The following ENDOV variants were observed in gnomAD, a reference collection of about 807,000 sequenced individuals.
ENDOV encodes the protein endonuclease V.
Under a neutral mutation model 39.4 loss-of-function variants are expected in ENDOV, and 37 were observed. The observed-to-expected ratio is 0.94, with a 90% confidence interval of 0.72 to 1.23. ENDOV has a LOEUF of 1.23. Ranked by LOEUF, ENDOV falls within the 50% of genes most tolerant of loss-of-function variation. The probability of loss-of-function intolerance (pLI) is 0.00; values close to 1 mark genes in which losing one functional copy is unlikely to be tolerated. For missense variants in ENDOV, 441 were observed against 375.7 expected, an observed-to-expected ratio of 1.17 and a Z score of -1.44; for synonymous variants, 186 against 163.4, an observed-to-expected ratio of 1.14 and a Z score of -1.05.
Position 80,437,518 on chromosome 17 carries a change from TTGAAA to T in ENDOV, c.*1381_*1385del, listed in dbSNP as rs2083632244. The stretch of plus-strand genomic sequence containing the variant: ...GCTCCGAACCCTAAATGGGTGAGAG[TTGAAA>T]TGAAAGCGGCACCTGTAGTCCGTTT... On this transcript the variant is annotated 3_prime_UTR_variant, in exon 10 of 10. Transcript: ENST00000518137. 1 of 152,366 alleles carries T rather than the reference TTGAAA, an allele frequency of 6.6e-6. No individual in the cohort carries two copies. The highest frequency in any genetic ancestry group is 2.4e-5 in the African/African-American group (1 of 41,332). 9.4% of individuals were successfully genotyped at this position (152,366 alleles called of 1,614,324 possible).
At chr17:80,422,932 C>T (rs1265100410) in intron 4 of ENDOV, among the ~76,000 whole-genome samples, 2 of 152,278 alleles carry the variant, frequency 1.3e-5, no homozygotes, top group Non-Finnish European at 2.9e-5. Context: ...ATCTCCTGAC[C>T]TCGTGATCCG....
intron 2 of ENDOV, chr17:80,419,716 C>A: frequency 1.4e-6 from 1 of 700,600 alleles, no homozygotes; most frequent in South Asian, 1.5e-5. Flanking sequence ...CCAGCTTCTT[C>A]ACTGGTCAGT....
intron 2 of ENDOV, among the ~76,000 whole-genome samples, chr17:80,421,416 C>T (rs1568218173): frequency 6.8e-6 from 1 of 147,398 alleles, no homozygotes; most frequent in Non-Finnish European, 1.5e-5. Flanking sequence ...TCCTACTATA[C>T]ACATCAGGTC....
At chr17:80,422,350 C>T (rs1428899867) in intron 4 of ENDOV, 105 bp downstream of exon 4, 13 of 1,367,598 alleles carry the variant, frequency 9.5e-6, no homozygotes, top group South Asian at 8.6e-5. Flanking sequence ...CGGCCTCTGC[C>T]GCCAGCCCCC....
rs1036855806 is a variant in ENDOV, at chr17:80,424,704, C to T, written c.517-328C>T. 3.3e-5 allele frequency among the ~76,000 whole-genome samples: 5 copies of T among 152,174 alleles called. 1 individual carries two copies. The highest frequency in any genetic ancestry group is 2.6e-4 in the Admixed American group (4 of 15,288). ...GTTGCGGTGGCTCACTCCTGTAATC[C>T]CAGCACTTTGGGAGGCCGAAGTGGG... On this transcript the variant is annotated intron_variant, in intron 5 of 9. Transcript: ENST00000518137.
chr17:80,429,852 G>A, intron 9 of ENDOV, 21 bp downstream of exon 9: 1 of 1,612,704 alleles, frequency 6.2e-7, no homozygotes, highest in South Asian at 1.1e-5. Context: ...GCCCCCACAG[G>A]ACCACAGCCC....
At chr17:80,435,619 T>G (rs1488946679) in intron 9 of ENDOV, among the ~76,000 whole-genome samples, 1 of 151,792 alleles carries the variant, frequency 6.6e-6, no homozygotes, top group Non-Finnish European at 1.5e-5. Flanking sequence ...CATGCCTGGC[T>G]AATTTTTTTT....
At chr17:80,433,765 C>T (rs993923469) in intron 9 of ENDOV, among the ~76,000 whole-genome samples, 1 of 152,188 alleles carries the variant, frequency 6.6e-6, no homozygotes, top group Non-Finnish European at 1.5e-5. Context: ...GTTGGTTCCT[C>T]AAGGACCATG....
Position 80,415,218 on chromosome 17 carries a change from G to T in ENDOV, c.24G>T (p.Gly8=), listed in dbSNP as rs751596520. 2.5e-6 allele frequency: 4 copies of T among 1,613,254 alleles called. No homozygotes were observed. The African/African-American group carries it at 4.0e-5, about 16-fold the overall frequency. ...CCATGGCCCTGGAGGCGGCGGGAGG[G>T]CCGCCGGAGGAAACGCTGTCACTGT... MALEAAG[G]PPEETLSLWK... The change falls in exon 1 of 10, where the codon GGG becomes GGT. Residue 8 remains glycine, a synonymous_variant. Transcript: ENST00000518137.
chr17:80,429,911 G>C (rs1301820452), intron 9 of ENDOV, 80 bp downstream of exon 9: 1 of 1,609,462 alleles, frequency 6.2e-7, no homozygotes. Flanking sequence ...AGGCGGGCAA[G>C]GACTGGCAGT....
At chr17:80,424,961 T>C (rs1345045312) in intron 5 of ENDOV, 71 bp from the exon 6 acceptor site, 9 of 1,350,608 alleles carry the variant, frequency 6.7e-6, no homozygotes, top group Non-Finnish European at 9.3e-6. Flanking sequence ...TCTCAAAAAA[T>C]AGAGACTTGC....
intron 2 of ENDOV, chr17:80,419,688 A>T: frequency 1.4e-6 from 1 of 702,574 alleles, no homozygotes; most frequent in Non-Finnish European, 2.6e-6. Context: ...ACACTGTCCC[A>T]AGAGGCTGCG....
chr17:80,437,751 C>G lies in ENDOV; in HGVS notation c.*1608C>G, dbSNP rs1034507535. ...ACGGCCCCGCGTCTGTTGCCTGAGT[C>G]ACTGTATTCCTTAAAAGGTGAAGGA... On this transcript the variant is annotated 3_prime_UTR_variant, in exon 10 of 10. Coordinates refer to ENST00000518137, the MANE Select transcript of ENDOV (RefSeq NM_173627.5). 1.3e-5 allele frequency: 2 copies of G among 152,234 alleles called. No individual in the cohort carries two copies. Among genetic ancestry groups the G allele is most frequent in the African/African-American group, 4.8e-5 (2 of 41,452 alleles). The allele number at this position is 152,234 out of a possible 1,614,324, so 9.4% of individuals were successfully genotyped here. A position where few individuals can be genotyped will look rare whatever the true frequency, so the allele number is the denominator to read the frequency against.
chr17:80,415,249 C>T lies in ENDOV; in HGVS notation c.55C>T (p.Arg19Trp), dbSNP rs773520311. 1 of 1,613,448 alleles carries T rather than the reference C, an allele frequency of 6.2e-7. No homozygotes were observed. The highest frequency in any genetic ancestry group is 8.5e-7 in the Non-Finnish European group (1 of 1,179,720). ...GGAGGAAACGCTGTCACTGTGGAAACGGTAATGCTGTCAGGCGACGCGCAG... is the reference window on the plus strand; with the variant it reads ...GGAGGAAACGCTGTCACTGTGGAAATGGTAATGCTGTCAGGCGACGCGCAG... The part of the protein sequence containing the change: ...PPEETLSLWK[R>W]EQARLKAHVV... Residue 19 changes from arginine to tryptophan, a missense_variant and splice_region_variant, in exon 1 of 10, where the codon CGG (arginine) becomes TGG (tryptophan). Arg to Trp is a moderately radical substitution (Grantham distance 101). Transcript: ENST00000518137.
chr17:80,418,898 G>T (rs1013362678), intron 2 of ENDOV: 2 of 152,164 alleles, frequency 1.3e-5, no homozygotes, highest in African/African-American at 2.4e-5. Context: ...CAGGCCGGGC[G>T]CAGTGGTTCA....
Position 80,423,597 on chromosome 17 carries a change from G to T in ENDOV, c.481G>T (p.Asp161Tyr). Residue 161 changes from aspartate (D) to tyrosine (Y), a missense_variant, in exon 5 of 10, where the codon GAT (aspartate) becomes TAT (tyrosine). Asp to Tyr is a radical substitution (Grantham distance 160). Coordinates refer to ENST00000518137, the MANE Select transcript of ENDOV (RefSeq NM_173627.5). Reference protein sequence around the residue: ...VGVAKKLLQVDGLENNALHKE... With the variant: ...VGVAKKLLQVYGLENNALHKE... ...GGTGGCCAAGAAACTTCTGCAGGTGGATGGGCTGGAGAACAACGCCCTGCA... is the reference window on the plus strand; with the variant it reads ...GGTGGCCAAGAAACTTCTGCAGGTGTATGGGCTGGAGAACAACGCCCTGCA... 1 of 1,555,776 alleles carries T rather than the reference G, an allele frequency of 6.4e-7. No homozygotes were observed. The highest frequency in any genetic ancestry group is 2.4e-5 in the East Asian group (1 of 41,320).
rs988419717 is a variant in ENDOV at position 80,438,073 on chromosome 17, T to G, written c.*1930T>G. ...GTAAGACCTTTGAATAAAACTAACT[T>G]GAATTCTTCAAAAGCTTGATTTTTT... On this transcript the variant is annotated 3_prime_UTR_variant, in exon 10 of 10. Coordinates refer to ENST00000518137, the MANE Select transcript of ENDOV (RefSeq NM_173627.5). The G allele has an allele frequency of 1.3e-5, 2 of 152,196 alleles. No individual in the cohort carries two copies. The highest frequency in any genetic ancestry group is 2.4e-5 in the African/African-American group (1 of 41,442). The allele number at this position is 152,196 out of a possible 1,614,324, so 9.4% of individuals were successfully genotyped here.
At chr17:80,422,455 C>A (rs1306165704) in intron 4 of ENDOV, among the ~76,000 whole-genome samples, 1 of 152,284 alleles carries the variant, frequency 6.6e-6, no homozygotes, top group Non-Finnish European at 1.5e-5. Flanking sequence ...TTCGCTTCAC[C>A]CCTTACCTCT....
chr17:80,419,610 A>G, intron 2 of ENDOV: 1 of 702,948 alleles, frequency 1.4e-6, no homozygotes, highest in Non-Finnish European at 2.6e-6. Flanking sequence ...AGCAAAACAG[A>G]ACGGATCTTC....
Sources: allele counts gnomAD v4.1 joint callset (sites outside exome capture counted in the v4.1 genomes callset), GRCh38; gene constraint gnomAD v4.1.1; transcripts MANE v1.5; gene names NCBI Gene and HGNC (gene_info 2026-07-23, HGNC 2026-07-21).